The following PADI4 variants were observed in gnomAD, a reference collection of about 807,000 sequenced individuals.
The protein encoded by PADI4 is protein-arginine deiminase type-4.
PADI4 carries 62 observed loss-of-function variants against 75.0 expected under a neutral mutation model. The ratio of observed to expected loss-of-function variants is 0.83; its 90% CI spans 0.67 to 1.02. The LOEUF (loss-of-function observed/expected upper bound fraction) is 1.02, where lower values mean the gene tolerates loss of function less well. PADI4 is among the 50% of genes least tolerant of loss of function. PADI4 has a pLI of 0.00. For missense variants in PADI4, 845 were observed against 850.5 expected (o/e 0.99, Z 0.08); for synonymous variants, 361 against 348.1 (o/e 1.04, Z -0.41).
At chr1:17,344,429 A>G (rs535672785) in intron 8 of PADI4, among the ~76,000 whole-genome samples, 62 of 152,374 alleles carry the variant, frequency 4.1e-4, no homozygotes, top group Non-Finnish European at 7.3e-5. Context: ...AGAAATTTGC[A>G]TAAGTAACAA....
intron 6 of PADI4, among the ~76,000 whole-genome samples, chr1:17,340,663 T>G (rs2074401206): frequency 6.8e-6 from 1 of 147,286 alleles, no homozygotes. Flanking sequence ...AAGGGGGAGG[T>G]CAGGTAGGCG....
In PADI4 at chr1:17,363,656, C is replaced by T. The variant is rs370827351; in HGVS notation, c.1893C>T (p.Asn631=). 63 of 1,614,062 alleles carry T rather than the reference C, an allele frequency of 3.9e-5. No individual in the cohort carries two copies. The highest frequency in any genetic ancestry group is 3.3e-4 in the Middle Eastern group (2 of 6,084). The change falls in exon 16 of 16, where the codon AAC becomes AAT. Residue 631 remains asparagine (N), a synonymous_variant. Transcript: ENST00000375448. ...TGGGCCTCCAGTGCACCTTCATCAA[C>T]GACTTCTTCACCTACCACATCAGGC... is the stretch of plus-strand genomic sequence containing the variant. ...EPLGLQCTFI[N]DFFTYHIRHG... is the part of the protein sequence containing the mutation.
At chr1:17,342,444 G>A (rs759772431) in intron 8 of PADI4, 42 bp downstream of exon 8, 2 of 1,197,164 alleles carry the variant, frequency 1.7e-6, no homozygotes, top group African/African-American at 1.5e-5. Flanking sequence ...AGACAACAAA[G>A]AGCCTGAGTT....
chr1:17,363,249 G>C (rs1054096571), intron 15 of PADI4, among the ~76,000 whole-genome samples: 12 of 152,200 alleles, frequency 7.9e-5, no homozygotes, highest in African/African-American at 2.7e-4. Flanking sequence ...CTCCAAAGTA[G>C]CTGGGACCAC....
chr1:17,336,337 TAAAAA>T, intron 4 of PADI4, 111 bp downstream of exon 4: 1 of 710,358 alleles, frequency 1.4e-6, no homozygotes, highest in South Asian at 1.6e-5. Context: ...TGTTAACTGT[TAAAAA>T]AAGAAAGAAA....
At chr1:17,352,012 G>GTGGGA (rs1557576556) in intron 10 of PADI4, among the ~76,000 whole-genome samples, 8 of 31,820 alleles carry the variant, frequency 2.5e-4, no homozygotes, top group African/African-American at 5.5e-4. Context: ...GTGATGGGAG[G>GTGGGA]AGAGGCGGCC....
At position 17,339,727 on chromosome 1, in the gene PADI4, C is replaced by G; in HGVS notation, c.566C>G (p.Thr189Ser). The change falls in exon 6 of 16, where the codon ACC becomes AGC. Residue 189 changes from threonine to serine, a missense_variant. Coordinates refer to ENST00000375448, the MANE Select transcript of PADI4 (RefSeq NM_012387.3). ...DMSLMTLSTK[T>S]PKDFFTNHTL... Reference sequence around the variant, plus strand: ...TCGCTGATGACCCTGAGCACGAAGACCCCCAAGGACTTCTTCACAAACCAT... The same window carrying G: ...TCGCTGATGACCCTGAGCACGAAGAGCCCCAAGGACTTCTTCACAAACCAT... 3 of 1,613,874 alleles carry G rather than the reference C, an allele frequency of 1.9e-6. No individual in the cohort carries two copies. The highest frequency in any genetic ancestry group is 1.7e-6 in the Non-Finnish European group (2 of 1,179,850).
chr1:17,352,110 AGACTGTGGT>A (rs1557577152), intron 10 of PADI4, among the ~76,000 whole-genome samples: 34 of 134,750 alleles, frequency 2.5e-4, no homozygotes, highest in African/African-American at 8.6e-4. Flanking sequence ...GTGGTAGGAG[AGACTGTGGT>A]CAGAGAGGTG....
chr1:17,310,373 C>A (rs994716963), intron 1 of PADI4, among the ~76,000 whole-genome samples: 1 of 152,134 alleles, frequency 6.6e-6, no homozygotes, highest in Non-Finnish European at 1.5e-5. Flanking sequence ...CCTGTCACTT[C>A]TTATCTGTTC....
At position 17,342,321 on chromosome 1, in the gene PADI4, T is replaced by A; in HGVS notation, c.854T>A (p.Phe285Tyr). Residue 285 changes from phenylalanine (F) to tyrosine (Y), a missense_variant, in exon 8 of 16, where the codon TTC (phenylalanine) becomes TAC (tyrosine). By Grantham distance (22) the Phe-to-Tyr change is conservative. Transcript: ENST00000375448. The part of the protein sequence containing the change: ...SNLELPEAVV[F>Y]QDSVVFRVAP... ...CAGGAGCTCCCCGAGGCTGTGGTGT[T>A]CCAAGACAGCGTGGTCTTCCGCGTG... 1 of 1,613,422 alleles carries A rather than the reference T, an allele frequency of 6.2e-7. No homozygotes were observed. Among genetic ancestry groups the A allele is most frequent in the Non-Finnish European group, 8.5e-7 (1 of 1,179,478 alleles).
chr1:17,361,042 C>T (rs1213527322), intron 15 of PADI4, among the ~76,000 whole-genome samples: 1 of 152,168 alleles, frequency 6.6e-6, no homozygotes, highest in South Asian at 2.1e-4. Context: ...ACTGGGGAAC[C>T]CCAGCCACCC....
At chr1:17,322,214 G>T (rs748754593) in intron 1 of PADI4, among the ~76,000 whole-genome samples, 5 of 152,214 alleles carry the variant, frequency 3.3e-5, no homozygotes, top group Non-Finnish European at 7.3e-5. Flanking sequence ...TCAGCTGGGC[G>T]TGGTGGCTCA....
rs1468171920 is a variant in PADI4 at position 17,363,880 on chromosome 1, T to C, written c.*125T>C. On this transcript the variant is annotated 3_prime_UTR_variant, in exon 16 of 16. Coordinates refer to ENST00000375448, the MANE Select transcript of PADI4 (RefSeq NM_012387.3). Reference sequence around the variant, plus strand: ...GGCGGCCAGCCCTCCCAGCAGTGGCTTGCTTTCTTCTCCTGTGATGTCCCA... The same window carrying C: ...GGCGGCCAGCCCTCCCAGCAGTGGCCTGCTTTCTTCTCCTGTGATGTCCCA... The C allele has an allele frequency of 1.6e-6, 1 of 640,896 alleles. No homozygotes were observed. Among genetic ancestry groups the C allele is most frequent in the Non-Finnish European group, 2.8e-6 (1 of 358,616 alleles). The allele number at this position is 640,896 out of a possible 1,614,324, so 39.7% of individuals were successfully genotyped here. A position where few individuals can be genotyped will look rare whatever the true frequency, so the allele number is the denominator to read the frequency against.
intron 10 of PADI4, among the ~76,000 whole-genome samples, chr1:17,351,518 C>T (rs1190869634): frequency 6.7e-6 from 1 of 148,292 alleles, no homozygotes; most frequent in Non-Finnish European, 1.5e-5. Context: ...GCTGAGGTGG[C>T]AGGACCCTTG....
At position 17,354,516 on chromosome 1, in the gene PADI4, C is replaced by T. The variant is rs2074725284; in HGVS notation, c.1156-17C>T. On this transcript the variant is annotated splice_polypyrimidine_tract_variant and intron_variant, in intron 10 of 15. Transcript: ENST00000375448. ...CCTCATTCCTCTAACTCTTGGCACT[C>T]CCTTCTCCTATCTCAGGGTCCAGAT... is the stretch of plus-strand genomic sequence containing the variant. 6.2e-7 allele frequency: 1 copy of T among 1,613,640 alleles called. No individual in the cohort carries two copies. Among genetic ancestry groups the T allele is most frequent in the Non-Finnish European group, 8.5e-7 (1 of 1,179,694 alleles).
intron 10 of PADI4, among the ~76,000 whole-genome samples, chr1:17,348,385 C>T (rs2074558289): frequency 6.6e-6 from 1 of 152,156 alleles, no homozygotes; most frequent in Admixed American, 6.6e-5. Flanking sequence ...TGGAATCTTT[C>T]CCAATGCCCA....
At chr1:17,312,519 G>A (rs1272824881) in intron 1 of PADI4, among the ~76,000 whole-genome samples, 2 of 151,518 alleles carry the variant, frequency 1.3e-5, no homozygotes, top group Admixed American at 1.3e-4. Flanking sequence ...AAAAAAGATG[G>A]GTAGATAAGA....
At chr1:17,326,448 A>G (rs1280279952) in intron 1 of PADI4, among the ~76,000 whole-genome samples, 1 of 152,222 alleles carries the variant, frequency 6.6e-6, no homozygotes, top group Non-Finnish European at 1.5e-5. Context: ...TTCCATTATT[A>G]ATTGTCCTTT....
In PADI4 at chr1:17,339,794, G is replaced by A; in HGVS notation, c.633G>A (p.Val211=). 2 of 1,610,186 alleles carry A rather than the reference G, an allele frequency of 1.2e-6. No individual in the cohort carries two copies. The highest frequency in any genetic ancestry group is 2.2e-5 in the East Asian group (1 of 44,686). Reference sequence around the variant, plus strand: ...TGGCCAGGTCTGAGATGGACAAAGTGAGGGTGTTTCAGGCCACACGTAAGT... The same window carrying A: ...TGGCCAGGTCTGAGATGGACAAAGTAAGGGTGTTTCAGGCCACACGTAAGT... ...LHVARSEMDK[V]RVFQATRGKL... The change falls in exon 6 of 16, where the codon GTG becomes GTA. Residue 211 remains valine, a synonymous_variant. Coordinates refer to ENST00000375448, the MANE Select transcript of PADI4 (RefSeq NM_012387.3).
Sources: gnomAD v4.1 joint callset for allele counts (sites outside exome capture counted in the v4.1 genomes callset) on GRCh38, gnomAD v4.1.1 for gene constraint, MANE v1.5 for transcripts, NCBI Gene and HGNC (gene_info 2026-07-23, HGNC 2026-07-21) for gene names.